The following DST variants were observed in gnomAD, a reference collection of about 807,000 sequenced individuals.
DST encodes dystonin.
A neutral mutation model predicts 875.2 loss-of-function variants in DST; 253 were observed. That is an observed-to-expected ratio of 0.29 (90% CI 0.26 to 0.32). The LOEUF is 0.32. Among genes scored for constraint, DST ranks in the 10% least tolerant of loss-of-function variants. The pLI is 1.00. For synonymous variants in DST, 3,124 were observed against 3,197.1 expected (o/e 0.98, Z 0.77); for missense variants, 8,287 against 9,111.6 (o/e 0.91, Z 3.68).
intron 4 of DST, among the ~76,000 whole-genome samples, chr6:56,777,300 G>C (rs1053288547): frequency 2.6e-5 from 4 of 152,064 alleles, no homozygotes; most frequent in African/African-American, 9.7e-5. Flanking sequence ...TAGATAGAAG[G>C]ATAAGAGAAA....
chr6:56,598,801 G>A (rs562784492), intron 45 of DST, 92 bp from the exon 46 acceptor site: 2 of 678,424 alleles, frequency 2.9e-6, no homozygotes, highest in Non-Finnish European at 4.6e-6. Flanking sequence ...AGTGAGTACA[G>A]AGAGAGTCTA....
intron 10 of DST, among the ~76,000 whole-genome samples, chr6:56,654,205 T>C (rs1159578294): frequency 1.3e-5 from 2 of 150,214 alleles, no homozygotes; most frequent in African/African-American, 2.5e-5. Context: ...CATTCTCTTA[T>C]TTTTTTTATT....
Position 56,606,158 on chromosome 6 carries a change from C to T in DST, c.8470G>A (p.Gly2824Arg). The T allele has an allele frequency of 6.2e-7, 1 of 1,606,438 alleles. No homozygotes were observed. Among genetic ancestry groups the T allele is most frequent in the Non-Finnish European group, 8.5e-7 (1 of 1,175,426 alleles). Residue 2824 changes from glycine to arginine, a missense_variant, in exon 40 of 104, where the codon GGA becomes AGA. Physicochemically the swap from Gly to Arg is moderately radical, Grantham distance 125. Transcript: ENST00000680361. ...EEGGGIRDEN[G>R]KPRCQNVAED... ...GCCACATTTTGGCACCTGGGCTTTC[C>T]ATTCTCATCTCTTATACCTCCTCCT...
chr6:56,878,380 A>C (rs1041681818), intron 3 of DST, among the ~76,000 whole-genome samples: 1 of 152,184 alleles, frequency 6.6e-6, no homozygotes, highest in Admixed American at 6.5e-5. Flanking sequence ...CTAAAGGTGA[A>C]GACTGTGGCT....
chr6:56,630,724 T>G (rs990608168), intron 30 of DST, among the ~76,000 whole-genome samples: 8 of 152,062 alleles, frequency 5.3e-5, no homozygotes, highest in Admixed American at 3.9e-4. Context: ...CACACTCATC[T>G]CTGAAGCACA....
At chr6:56,667,707 C>G (rs2099078811) in intron 10 of DST, among the ~76,000 whole-genome samples, 1 of 152,068 alleles carries the variant, frequency 6.6e-6, no homozygotes, top group African/African-American at 2.4e-5. Flanking sequence ...GACTCAAATT[C>G]TCACCTAAAG....
chr6:56,783,679 A>G (rs1286231119), intron 4 of DST, among the ~76,000 whole-genome samples: 2 of 151,984 alleles, frequency 1.3e-5, no homozygotes, highest in East Asian at 3.9e-4. Flanking sequence ...TCTTGATCCA[A>G]TTTGCCAGTC....
intron 72 of DST, among the ~76,000 whole-genome samples, chr6:56,514,678 C>T (rs530860981): frequency 5.3e-5 from 8 of 151,958 alleles, no homozygotes; most frequent in Non-Finnish European, 1.5e-5. Context: ...CTGTACAGAT[C>T]TGGAAGAGCA....
chr6:56,796,916 T>C (rs1398614869), intron 4 of DST, among the ~76,000 whole-genome samples: 1 of 152,170 alleles, frequency 6.6e-6, no homozygotes, highest in Non-Finnish European at 1.5e-5. Context: ...AATCACAGCA[T>C]AAGCATTTTA....
At position 56,619,073 on chromosome 6, in the gene DST, G is replaced by A. The variant is rs150229184; in HGVS notation, c.4930-4589C>T. ...TTCACTTACCAAATTTTGACTTTTC[G>A]CCAGGTCTTCTTCTAGGCATTTAAT... On this transcript the variant is annotated intron_variant, in intron 36 of 103. Transcript: ENST00000680361. 3.0e-4 allele frequency: 490 copies of A among 1,613,892 alleles called. No homozygotes were observed. The African/African-American group carries it at 5.2e-3, about 17-fold the overall frequency.
intron 4 of DST, among the ~76,000 whole-genome samples, chr6:56,769,577 T>C (rs2099643919): frequency 1.3e-5 from 2 of 152,126 alleles, no homozygotes; most frequent in Non-Finnish European, 2.9e-5. Context: ...CCTCACACTT[T>C]GAGAGGCCAA....
chr6:56,891,779 G>A (rs942042621), intron 3 of DST, among the ~76,000 whole-genome samples: 37 of 151,958 alleles, frequency 2.4e-4, no homozygotes, highest in Middle Eastern at 3.4e-3. Flanking sequence ...AGCTGAGATC[G>A]CACCACTGCA....
intron 58 of DST, 79 bp downstream of exon 58, chr6:56,560,215 T>C: frequency 7.5e-7 from 1 of 1,327,866 alleles, no homozygotes; most frequent in Non-Finnish European, 9.9e-7. Context: ...TGTTGAATGT[T>C]TTCTGATAAA....
chr6:56,520,752 A>G (rs1028286191), intron 69 of DST, among the ~76,000 whole-genome samples: 1 of 151,938 alleles, frequency 6.6e-6, no homozygotes, highest in Non-Finnish European at 1.5e-5. Context: ...ATTTTAAAAG[A>G]AAGAAAACCA....
chr6:56,736,982 TGGGCAACATGATGAAATCCG>T (rs147205621), intron 4 of DST, among the ~76,000 whole-genome samples: 37,452 of 151,790 alleles, frequency 0.25, 6,312 homozygotes, highest in African/African-American at 0.48. Context: ...GAGACTAGCC[TGGGCAACATGATGAAATCCG>T]GGGCAACATG....
At chr6:56,824,578 C>G (rs551316723) in intron 4 of DST, among the ~76,000 whole-genome samples, 2 of 151,600 alleles carry the variant, frequency 1.3e-5, no homozygotes, top group Non-Finnish European at 2.9e-5. Flanking sequence ...TCTGCCCGGC[C>G]GCCCATCGTC....
rs369383320 is a variant in DST, at chr6:56,792,181, C to T, written c.626-56892G>A. Among the ~76,000 whole-genome samples, 536 of 147,222 alleles carry T rather than the reference C, an allele frequency of 3.6e-3. 4 individuals carry two copies. Among genetic ancestry groups the T allele is most frequent in the African/African-American group, 0.013 (506 of 40,180 alleles). Reference sequence around the variant, plus strand: ...ACTGAGGTTTTTTTGTTTTTTTTTTCTAAAGAGACAACAATGACATTAAAG... The same window carrying T: ...ACTGAGGTTTTTTTGTTTTTTTTTTTTAAAGAGACAACAATGACATTAAAG... On this transcript the variant is annotated intron_variant, in intron 4 of 103. Coordinates refer to ENST00000680361, the MANE Select transcript of DST (RefSeq NM_001374736.1).
intron 95 of DST, among the ~76,000 whole-genome samples, chr6:56,470,781 A>AACACACACACACAC (rs67009040): frequency 2.3e-4 from 33 of 141,540 alleles, no homozygotes; most frequent in African/African-American, 6.0e-4. Context: ...TATGCCAGGC[A>AACACACACACACAC]ACACACACAC....
chr6:56,730,223 T>C (rs2099491912), intron 5 of DST, among the ~76,000 whole-genome samples: 1 of 152,160 alleles, frequency 6.6e-6, no homozygotes, highest in African/African-American at 2.4e-5. Context: ...AAAAATCATT[T>C]ATCCCCTTAA....
Sources: allele counts gnomAD v4.1 joint callset (sites outside exome capture counted in the v4.1 genomes callset), GRCh38; gene constraint gnomAD v4.1.1; transcripts MANE v1.5; gene names NCBI Gene and HGNC (gene_info 2026-07-23, HGNC 2026-07-21).